Variants in NCAM2 observed in about 807,000 individuals in gnomAD.
The protein encoded by NCAM2 is neural cell adhesion molecule 2.
A neutral mutation model predicts 98.1 loss-of-function variants in NCAM2; 30 were observed. That is an observed-to-expected ratio of 0.31 (90% CI 0.23 to 0.41). NCAM2 has a LOEUF of 0.41. NCAM2 is among the 10% of genes least tolerant of loss of function. The pLI is 1.00. For synonymous variants in NCAM2, 368 were observed against 342.4 expected (o/e 1.07, Z -0.83); for missense variants, 867 against 1,005.8 (o/e 0.86, Z 1.87).
intron 1 of NCAM2, among the ~76,000 whole-genome samples, chr21:21,152,829 C>T (rs752377397): frequency 1.3e-5 from 2 of 151,948 alleles, no homozygotes; most frequent in Non-Finnish European, 2.9e-5. Flanking sequence ...CTCAATGGGA[C>T]ACTTATGCTG....
At chr21:20,998,845 A>C (rs1405995758) in intron 1 of NCAM2, among the ~76,000 whole-genome samples, 4 of 152,128 alleles carry the variant, frequency 2.6e-5, no homozygotes. Flanking sequence ...GGAGAGGGGA[A>C]TCGGTGAGCA....
intron 5 of NCAM2, among the ~76,000 whole-genome samples, chr21:21,321,759 A>G (rs760727039): frequency 1.2e-4 from 18 of 152,196 alleles, no homozygotes; most frequent in East Asian, 1.9e-4. Context: ...CAAAACCACA[A>G]TGAGATACCA....
intron 1 of NCAM2, among the ~76,000 whole-genome samples, chr21:21,262,658 C>CAAAAAAAAAAAAAAAAAA (rs33912324): frequency 1.3e-4 from 10 of 78,928 alleles, no homozygotes; most frequent in East Asian, 9.8e-4. Flanking sequence ...AACAATCAGT[C>CAAAAAAAAAAAAAAAAAA]AAAAAAAAAA....
intron 1 of NCAM2, among the ~76,000 whole-genome samples, chr21:21,155,143 G>A (rs561041773): frequency 1.3e-5 from 2 of 151,410 alleles, no homozygotes; most frequent in South Asian, 4.2e-4. Flanking sequence ...AGAAAGAAGT[G>A]TAGGCTGGGG....
chr21:21,159,886 T>A (rs118150236), intron 1 of NCAM2, among the ~76,000 whole-genome samples: 3 of 152,072 alleles, frequency 2.0e-5, no homozygotes, highest in African/African-American at 7.2e-5. Context: ...TACATATACA[T>A]GTATATGTGA....
At chr21:21,533,796 C>T (rs1989840598) in intron 16 of NCAM2, among the ~76,000 whole-genome samples, 1 of 151,676 alleles carries the variant, frequency 6.6e-6, no homozygotes, top group Non-Finnish European at 1.5e-5. Context: ...AGGCATGAAA[C>T]ATTATAATAA....
chr21:21,197,240 C>G (rs566165551), intron 1 of NCAM2, among the ~76,000 whole-genome samples: 1 of 152,278 alleles, frequency 6.6e-6, no homozygotes, highest in East Asian at 1.9e-4. Context: ...AGCGATTTTC[C>G]TGCTTCAGCC....
chr21:21,353,440 T>G (rs945749577), intron 8 of NCAM2, among the ~76,000 whole-genome samples: 1 of 152,206 alleles, frequency 6.6e-6, no homozygotes, highest in African/African-American at 2.4e-5. Context: ...CTTTTGGAAG[T>G]TGACAATGTC....
At chr21:21,353,055 T>A (rs1314203482) in intron 8 of NCAM2, among the ~76,000 whole-genome samples, 4 of 152,106 alleles carry the variant, frequency 2.6e-5, no homozygotes, top group African/African-American at 9.7e-5. Flanking sequence ...GGTTTCACCA[T>A]GTTACCATGT....
chr21:21,358,910 A>C (rs1194987350), intron 8 of NCAM2, among the ~76,000 whole-genome samples: 2 of 152,058 alleles, frequency 1.3e-5, no homozygotes. Flanking sequence ...TTTTCTAATA[A>C]CATTGTATAG....
Position 20,999,127 on chromosome 21 carries a change from A to G in NCAM2, c.55+509A>G, listed in dbSNP as rs533080738. Among the ~76,000 whole-genome samples, 13 of 152,086 alleles carry G rather than the reference A, an allele frequency of 8.5e-5. No homozygotes were observed. In the South Asian group the frequency reaches 2.7e-3, roughly 32 times the overall value. On this transcript the variant is annotated intron_variant, in intron 1 of 17. Coordinates refer to ENST00000400546, the MANE Select transcript of NCAM2 (RefSeq NM_004540.5). ...CCCAAAACCCTAATTCCTGACTATG[A>G]AGTGAATGATGATGGCTTATTTCTG...
intron 1 of NCAM2, among the ~76,000 whole-genome samples, chr21:21,196,602 G>A (rs190306488): frequency 1.3e-5 from 2 of 152,308 alleles, no homozygotes; most frequent in Admixed American, 1.3e-4. Context: ...AATTCTAGAG[G>A]AGTGAAGTGA....
At chr21:21,111,764 T>C (rs1050965875) in intron 1 of NCAM2, among the ~76,000 whole-genome samples, 1 of 152,022 alleles carries the variant, frequency 6.6e-6, no homozygotes, top group African/African-American at 2.4e-5. Context: ...TGGGAGGAGG[T>C]AGCGGGGGTC....
intron 1 of NCAM2, among the ~76,000 whole-genome samples, chr21:21,124,494 T>A (rs1381115932): frequency 1.3e-5 from 2 of 152,288 alleles, no homozygotes; most frequent in East Asian, 1.9e-4. Context: ...TTTCGAGGGC[T>A]ACATTTGCTA....
chr21:21,500,755 T>C (rs910067909), intron 15 of NCAM2, among the ~76,000 whole-genome samples: 42 of 152,096 alleles, frequency 2.8e-4, no homozygotes, highest in Admixed American at 6.6e-5. Context: ...TTAAACTATT[T>C]GGTAAGTAAG....
chr21:21,103,004 T>C (rs1217810992), intron 1 of NCAM2, among the ~76,000 whole-genome samples: 3 of 152,228 alleles, frequency 2.0e-5, no homozygotes, highest in South Asian at 4.1e-4. Flanking sequence ...CTAGTCTTTT[T>C]ATGAAAGGAT....
intron 1 of NCAM2, among the ~76,000 whole-genome samples, chr21:21,093,076 G>A (rs1217969561): frequency 6.6e-6 from 1 of 151,922 alleles, no homozygotes; most frequent in East Asian, 1.9e-4. Context: ...GGAAGATCAA[G>A]AAGACAATTT....
chr21:21,480,608 G>A lies in NCAM2; in HGVS notation c.2077+3137G>A, dbSNP rs575427545. ...AGGGAATGCAAACCAGATAATTCAA[G>A]GGCTTTTAAAAACGTAATTGTAAAA... On this transcript the variant is annotated intron_variant, in intron 15 of 17. Coordinates refer to ENST00000400546, the MANE Select transcript of NCAM2 (RefSeq NM_004540.5). 3.9e-5 allele frequency among the ~76,000 whole-genome samples: 6 copies of A among 152,110 alleles called. No homozygotes were observed. In the South Asian group the frequency reaches 1.0e-3, roughly 26 times the overall value.
chr21:21,432,042 A>G (rs2077356242), intron 11 of NCAM2, 66 bp from the exon 12 acceptor site: 6 of 1,477,536 alleles, frequency 4.1e-6, no homozygotes, highest in Non-Finnish European at 4.7e-6. Flanking sequence ...TCATAACACC[A>G]TAAGCCTTAA....
Sources: gnomAD v4.1 joint callset for allele counts (sites outside exome capture counted in the v4.1 genomes callset) on GRCh38, gnomAD v4.1.1 for gene constraint, MANE v1.5 for transcripts, NCBI Gene and HGNC (gene_info 2026-07-23, HGNC 2026-07-21) for gene names.